The following PRRG1 variants were observed in gnomAD, a reference collection of about 807,000 sequenced individuals.
PRRG1 encodes proline rich and Gla domain 1.
A neutral mutation model predicts 11.8 loss-of-function variants in PRRG1; 5 were observed. The observed-to-expected ratio is 0.42, with a 90% CI of 0.22 to 0.89. The LOEUF (loss-of-function observed/expected upper bound fraction) is 0.89, where lower values mean the gene tolerates loss of function less well. PRRG1 is among the 40% of genes least tolerant of loss of function. PRRG1 has a pLI of 0.28. For synonymous variants in PRRG1, 66 were observed against 60.4 expected, an observed-to-expected ratio of 1.09 and a Z score of -0.43; for missense variants, 155 against 166.1, an observed-to-expected ratio of 0.93 and a Z score of 0.37.
At chrX:37,364,373 A>G (rs1270803591) in intron 1 of PRRG1, among the ~76,000 whole-genome samples, 1 of 112,080 alleles carries the variant, frequency 8.9e-6, no homozygotes, top group Non-Finnish European at 1.9e-5. Context: ...AACTTATTTT[A>G]AATGCAAATC....
chrX:37,408,396 G>C (rs1391219628), intron 2 of PRRG1, among the ~76,000 whole-genome samples: 1 of 111,908 alleles, frequency 8.9e-6, no homozygotes, highest in South Asian at 3.7e-4. Flanking sequence ...GTTTGACCAG[G>C]TATGTCGTTG....
chrX:37,431,712 C>T (rs1054707184), intron 3 of PRRG1, among the ~76,000 whole-genome samples: 3 of 111,592 alleles, frequency 2.7e-5, no homozygotes, highest in Non-Finnish European at 5.6e-5. Context: ...TATTCTACTA[C>T]TCTCGTATTG....
chrX:37,376,653 G>A (rs1275369638), intron 1 of PRRG1, among the ~76,000 whole-genome samples: 2 of 96,535 alleles, frequency 2.1e-5, no homozygotes, highest in Middle Eastern at 5.2e-3. Context: ...ATTTCCTTGC[G>A]GGCAAAAAAT....
chrX:37,392,657 CAAAA>C (rs11296949), intron 1 of PRRG1, among the ~76,000 whole-genome samples: 1 of 50,832 alleles, frequency 2.0e-5, no homozygotes. Flanking sequence ...GACTCTGTCT[CAAAA>C]AAAAAAAAAA....
intron 3 of PRRG1, among the ~76,000 whole-genome samples, chrX:37,432,704 C>T (rs1222816848): frequency 8.9e-6 from 1 of 112,108 alleles, no homozygotes; most frequent in African/African-American, 3.2e-5. Flanking sequence ...ACACTTGCTC[C>T]CCTGGTGATC....
chrX:37,408,417 C>T (rs1187472965), intron 2 of PRRG1, among the ~76,000 whole-genome samples: 1 of 111,748 alleles, frequency 8.9e-6, no homozygotes, highest in African/African-American at 3.3e-5. Context: ...ACATAGCCTG[C>T]GAGAAAACTG....
intron 2 of PRRG1, 172 bp from the exon 3 acceptor site, chrX:37,425,668 C>T (rs1932763684): frequency 4.9e-6 from 2 of 411,586 alleles, no homozygotes; most frequent in South Asian, 1.1e-4. Context: ...AGGACATACT[C>T]ACATCATGAG....
In PRRG1 at chrX:37,455,862, T is replaced by TGTC. The variant is rs1388835361; in HGVS notation, c.*2242_*2244dup. Reference sequence around the variant, plus strand: ...TGTGTGGACATGTTTTTGTCTTTAATGTCAGGCTTTAGATTAGACCAGCAG... The same window carrying TGTC: ...TGTGTGGACATGTTTTTGTCTTTAATGTCGTCAGGCTTTAGATTAGACCAGCAG... On this transcript the variant is annotated 3_prime_UTR_variant, in exon 4 of 4. Coordinates refer to ENST00000378628, the MANE Select transcript of PRRG1 (RefSeq NM_001142395.2). 8.9e-6 allele frequency: 1 copy of TGTC among 112,134 alleles called. No homozygotes were observed. Among genetic ancestry groups the TGTC allele is most frequent in the Non-Finnish European group, 1.9e-5 (1 of 53,256 alleles). The allele number at this position is 112,134 out of a possible 1,213,427, so 9.2% of individuals were successfully genotyped here. A position where few individuals can be genotyped will look rare whatever the true frequency, so the allele number is the denominator to read the frequency against.
At chrX:37,363,256 T>A (rs1032441576) in intron 1 of PRRG1, among the ~76,000 whole-genome samples, 2 of 112,000 alleles carry the variant, frequency 1.8e-5, no homozygotes, top group Non-Finnish European at 3.8e-5. Context: ...GCTTTTTTTT[T>A]AGGAGACCCG....
At chrX:37,416,729 A>G (rs1444595465) in intron 2 of PRRG1, among the ~76,000 whole-genome samples, 1 of 112,498 alleles carries the variant, frequency 8.9e-6, no homozygotes, top group Non-Finnish European at 1.9e-5. Context: ...GTATTAGAAT[A>G]CCATACCTTT....
intron 1 of PRRG1, chrX:37,386,716 C>T (rs1252537480): frequency 8.9e-6 from 1 of 111,993 alleles, no homozygotes; most frequent in African/African-American, 3.2e-5. Context: ...TGCCACTTTG[C>T]AGACATTATG....
intron 3 of PRRG1, 57 bp from the exon 4 acceptor site, chrX:37,453,079 G>A: frequency 9.2e-7 from 1 of 1,084,804 alleles, no homozygotes; most frequent in East Asian, 3.2e-5. Context: ...TATTCATCTG[G>A]TATTTTCCAT....
chrX:37,370,579 C>A (rs782208195), intron 1 of PRRG1, among the ~76,000 whole-genome samples: 22 of 111,872 alleles, frequency 2.0e-4, no homozygotes, highest in African/African-American at 6.8e-4. Flanking sequence ...GGAGCCCTAC[C>A]CTCCTGGGTG....
At chrX:37,372,495 A>G (rs1184099454) in intron 1 of PRRG1, among the ~76,000 whole-genome samples, 1 of 111,700 alleles carries the variant, frequency 9.0e-6, no homozygotes, top group Non-Finnish European at 1.9e-5. Context: ...CAATAGAGAC[A>G]GGGTTTCACC....
At chrX:37,442,999 A>G (rs1212389192) in intron 3 of PRRG1, among the ~76,000 whole-genome samples, 1 of 112,080 alleles carries the variant, frequency 8.9e-6, no homozygotes, top group East Asian at 2.8e-4. Flanking sequence ...TAGATTAAAT[A>G]CCCCCAACTG....
intron 3 of PRRG1, among the ~76,000 whole-genome samples, chrX:37,427,152 T>C (rs1556388671): frequency 1.8e-5 from 2 of 112,041 alleles, no homozygotes; most frequent in African/African-American, 6.5e-5. Context: ...TCTACTATGG[T>C]TTTCACAAGG....
intron 2 of PRRG1, among the ~76,000 whole-genome samples, chrX:37,406,958 C>G (rs1932204751): frequency 8.9e-6 from 1 of 111,895 alleles, no homozygotes; most frequent in Non-Finnish European, 1.9e-5. Context: ...GGACGGACTC[C>G]AAAGAATGGA....
intron 1 of PRRG1, among the ~76,000 whole-genome samples, chrX:37,368,168 A>C (rs1930641011): frequency 8.9e-6 from 1 of 112,031 alleles, no homozygotes. Flanking sequence ...TACTGGATGT[A>C]TTGTTCTATG....
chrX:37,377,467 A>T (rs1283068144), intron 1 of PRRG1, among the ~76,000 whole-genome samples: 1 of 111,942 alleles, frequency 8.9e-6, no homozygotes, highest in Admixed American at 9.5e-5. Context: ...TTTCTCTAAT[A>T]TTGGGGTTAA....
Sources: gnomAD v4.1 joint callset for allele counts (sites outside exome capture counted in the v4.1 genomes callset) on GRCh38, gnomAD v4.1.1 for gene constraint, MANE v1.5 for transcripts, NCBI Gene and HGNC (gene_info 2026-07-23, HGNC 2026-07-21) for gene names.